The following C1R variants were observed in gnomAD, a reference collection of about 807,000 sequenced individuals.
C1R encodes complement C1r.
A neutral mutation model predicts 27.6 loss-of-function variants in C1R; 15 were observed. The observed-to-expected ratio is 0.54, with a 90% CI of 0.36 to 0.84. The LOEUF is 0.84. Ranked by LOEUF, C1R falls within the 40% of genes least tolerant of loss-of-function variation. The probability of loss-of-function intolerance (pLI) is 0.01; values close to 1 mark genes in which losing one functional copy is unlikely to be tolerated. For synonymous variants in C1R, 253 were observed against 228.8 expected (o/e 1.11, Z -0.95); for missense variants, 544 against 577.9 (o/e 0.94, Z 0.60).
chr12:7,087,804 T>TA (rs1938178548), intron 7 of C1R: 1 of 154,578 alleles, frequency 6.5e-6, no homozygotes. Context: ...AGTAGACACT[T>TA]AAAGTGTGCA....
At position 7,091,638 on chromosome 12, in the gene C1R, T is replaced by G; in HGVS notation, c.45A>C (p.Ala15=). 4.0e-6 allele frequency: 3 copies of G among 757,150 alleles called. No individual in the cohort carries two copies. The highest frequency in any genetic ancestry group is 7.4e-6 in the Non-Finnish European group (3 of 406,238). 46.9% of individuals were successfully genotyped at this position (757,150 alleles called of 1,614,324 possible). A position where few individuals can be genotyped will look rare whatever the true frequency, so the allele number is the denominator to read the frequency against. The change falls in exon 2 of 11, where the codon GCA becomes GCC. Residue 15 remains alanine (A), a synonymous_variant. Coordinates refer to ENST00000647956, the MANE Select transcript of C1R (RefSeq NM_001733.7). The surrounding 1 kb of genome is among the most constrained non-coding windows in gnomAD (Gnocchi z 5.1). The part of the protein sequence containing the change: ...YLLVPALFCR[A]GGSIPIPQKL... ...TCTGAGGGATGGGAATGGAGCCTCC[T>G]GCCCTGCAGAACAGGGCCGGCACCA... is the stretch of plus-strand genomic sequence containing the variant.
rs1443104456 is a variant in C1R, at chr12:7,080,533, C to T, written c.2117G>A (p.Ter706=). 2 of 1,552,232 alleles carry T rather than the reference C, an allele frequency of 1.3e-6. No homozygotes were observed. The highest frequency in any genetic ancestry group is 1.2e-5 in the South Asian group (1 of 80,762). Residue 706 remains the stop codon, a stop_retained_variant, in exon 11 of 11, where the codon TGA becomes TAA. Coordinates refer to ENST00000647956, the MANE Select transcript of C1R (RefSeq NM_001733.7). This position sits in a 1 kb window ranked among gnomAD's most constrained non-coding sequence, Gnocchi z 4.9. ...WIKKEMEEED[*] ...ATTCGAACCTAGTGAATTCTGGGCT[C>T]AGTCCTCCTCCTCCATCTCTTTCTT...
At chr12:7,088,562 C>T (rs1451129480) in intron 7 of C1R, 48 bp downstream of exon 7, 1 of 718,738 alleles carries the variant, frequency 1.4e-6, no homozygotes, top group Non-Finnish European at 2.6e-6. Flanking sequence ...ACCTGAATTC[C>T]TCCTGGGGTG....
In C1R at chr12:7,088,972, C is replaced by G. The variant is rs1938203633; in HGVS notation, c.783G>C (p.Gly261=). The stretch of plus-strand genomic sequence containing the variant: ...TCCCACAGAACTCGCCAATGTTCTT[C>G]CCGTTGGCATAGATCTAGTAGGGGA... The part of the protein sequence containing the change: ...PYDQLQIYAN[G]KNIGEFCGKQ... Residue 261 remains glycine, a synonymous_variant, in exon 6 of 11, where the codon GGG becomes GGC. Coordinates refer to ENST00000647956, the MANE Select transcript of C1R (RefSeq NM_001733.7). 1 of 747,744 alleles carries G rather than the reference C, an allele frequency of 1.3e-6. No homozygotes were observed. Among genetic ancestry groups the G allele is most frequent in the Non-Finnish European group, 2.5e-6 (1 of 402,080 alleles). 46.3% of individuals were successfully genotyped at this position (747,744 alleles called of 1,614,324 possible). A position where few individuals can be genotyped will look rare whatever the true frequency, so the allele number is the denominator to read the frequency against.
intron 7 of C1R, chr12:7,088,375 G>C (rs1238638403): frequency 1.4e-6 from 1 of 698,492 alleles, no homozygotes; most frequent in Non-Finnish European, 2.6e-6. Context: ...GCTCAGGCTG[G>C]AGTGCAGTGG....
chr12:7,090,319 GTCC>G (rs1938246303), intron 2 of C1R, 71 bp from the exon 3 acceptor site: 1 of 671,306 alleles, frequency 1.5e-6, no homozygotes, highest in Non-Finnish European at 2.8e-6. Context: ...CTCAGTGATG[GTCC>G]TCCTTGTCTC....
intron 9 of C1R, among the ~76,000 whole-genome samples, chr12:7,082,596 G>T (rs940169368): frequency 4.6e-5 from 7 of 152,128 alleles, no homozygotes; most frequent in South Asian, 4.1e-4. Flanking sequence ...CTCCCAAAGT[G>T]CTGGGATTAC....
At chr12:7,089,518 G>C in intron 4 of C1R, 29 bp from the exon 5 acceptor site, 1 of 779,406 alleles carries the variant, frequency 1.3e-6, no homozygotes, top group South Asian at 1.3e-5. Context: ...AGGGCATTAC[G>C]GGGGACTCCA....
At chr12:7,090,501 C>T (rs1938251161) in intron 2 of C1R, 1 of 498,792 alleles carries the variant, frequency 2.0e-6, no homozygotes, top group Non-Finnish European at 3.6e-6. Context: ...GTTTTCTGCT[C>T]CTCTGGCAGG....
At chr12:7,082,401 G>A (rs1565628961) in intron 9 of C1R, among the ~76,000 whole-genome samples, 1 of 151,784 alleles carries the variant, frequency 6.6e-6, no homozygotes, top group Admixed American at 6.6e-5. Context: ...GCGCAATCTC[G>A]GCTTACTGCA....
intron 2 of C1R, 41 bp from the exon 3 acceptor site, chr12:7,090,289 C>T (rs1327055020): frequency 1.9e-5 from 13 of 702,470 alleles, no homozygotes; most frequent in Admixed American, 8.2e-5. Flanking sequence ...AGATCTGTTG[C>T]GGAGTGGCGC....
At chr12:7,092,032 C>T (rs779779933) in intron 1 of C1R, 70 of 560,476 alleles carry the variant, frequency 1.2e-4, no homozygotes, top group Non-Finnish European at 2.1e-4. Context: ...ACCCGTGGGT[C>T]TCTGAAAGGG....
chr12:7,086,300 C>T (rs1487396542), intron 8 of C1R, 79 bp downstream of exon 8: 10 of 398,076 alleles, frequency 2.5e-5, no homozygotes, highest in East Asian at 2.5e-4. Flanking sequence ...TAGTCTGGAC[C>T]CCTCTTTCTT....
chr12:7,087,115 A>C (rs1938169000), intron 7 of C1R: 1 of 152,326 alleles, frequency 6.6e-6, no homozygotes, highest in Admixed American at 6.5e-5. Context: ...CGGTAACCCC[A>C]GCACTTTGGG....
At chr12:7,085,737 C>T in intron 9 of C1R, 124 bp downstream of exon 9, 1 of 396,944 alleles carries the variant, frequency 2.5e-6, no homozygotes, top group Admixed American at 4.4e-5. Context: ...TAATTTAGGC[C>T]CCTGAAGCCA....
chr12:7,092,045 C>A, intron 1 of C1R: 1 of 565,598 alleles, frequency 1.8e-6, no homozygotes, highest in Non-Finnish European at 3.2e-6. Flanking sequence ...TGAAAGGGCT[C>A]CCACAGGTTC....
intron 9 of C1R, among the ~76,000 whole-genome samples, chr12:7,084,795 T>C (rs1185935723): frequency 1.3e-4 from 19 of 148,726 alleles, no homozygotes; most frequent in Non-Finnish European, 2.7e-4. Flanking sequence ...GTAATCATGA[T>C]GGTGATAATG....
intron 2 of C1R, 62 bp from the exon 3 acceptor site, chr12:7,090,310 TCA>T: frequency 1.5e-6 from 1 of 679,294 alleles, no homozygotes; most frequent in South Asian, 1.7e-5. Flanking sequence ...ACGTGGTGGC[TCA>T]GTGATGGTCC....
At chr12:7,090,330 C>G (rs911283890) in intron 2 of C1R, 82 bp from the exon 3 acceptor site, 11 of 662,398 alleles carry the variant, frequency 1.7e-5, no homozygotes, top group Non-Finnish European at 2.8e-5. Context: ...TCCTCCTTGT[C>G]TCGCCCAGAG....
Sources: allele counts gnomAD v4.1 joint callset (sites outside exome capture counted in the v4.1 genomes callset), GRCh38; gene constraint gnomAD v4.1.1; non-coding constraint Gnocchi (gnomAD v3.1); transcripts MANE v1.5; gene names NCBI Gene and HGNC (gene_info 2026-07-23, HGNC 2026-07-21).